The following WIPI2 variants were observed in gnomAD, a reference collection of about 807,000 sequenced individuals.
WIPI2 encodes WD repeat domain, phosphoinositide interacting 2, also known as WD repeat domain phosphoinositide-interacting protein 2.
WIPI2 carries 28 observed loss-of-function variants against 52.3 expected under a neutral mutation model. That is an observed-to-expected ratio of 0.54 (90% CI 0.40 to 0.73). The LOEUF (loss-of-function observed/expected upper bound fraction) is 0.73, where lower values mean the gene tolerates loss of function less well. Ranked by LOEUF, WIPI2 falls within the 30% of genes least tolerant of loss-of-function variation. The pLI is 0.00. For synonymous variants in WIPI2, 268 were observed against 245.0 expected, an observed-to-expected ratio of 1.09 and a Z score of -0.88; for missense variants, 506 against 602.9, an observed-to-expected ratio of 0.84 and a Z score of 1.68.
chr7:5,217,569 C>T (rs1040430255), intron 6 of WIPI2: 31 of 405,042 alleles, frequency 7.7e-5, no homozygotes, highest in Non-Finnish European at 1.2e-4. Flanking sequence ...AGTGCTGGGA[C>T]TACAGGCGGG....
chr7:5,218,397 A>T, intron 7 of WIPI2: 1 of 183,746 alleles, frequency 5.4e-6, no homozygotes, highest in South Asian at 1.1e-4. Context: ...CAGTCTGAAC[A>T]CATTTCAGTG....
At chr7:5,203,411 C>T (rs982140268) in intron 3 of WIPI2, among the ~76,000 whole-genome samples, 1 of 152,144 alleles carries the variant, frequency 6.6e-6, no homozygotes, top group African/African-American at 2.4e-5. Context: ...CCTTCCCACT[C>T]CAGAGCTTCA....
intron 6 of WIPI2, chr7:5,217,544 G>T (rs1371115994): frequency 7.7e-6 from 3 of 391,168 alleles, no homozygotes; most frequent in South Asian, 2.3e-5. Context: ...CCATCCTCCC[G>T]CCTCGGCCCC....
At position 5,193,133 on chromosome 7, in the gene WIPI2, A is replaced by G. The variant is rs368752507; in HGVS notation, c.90A>G (p.Ala30=). Residue 30 remains alanine (A), a synonymous_variant, in exon 2 of 13, where the codon GCA becomes GCG. Transcript: ENST00000288828. ...TTTTACCTAGAGAAGTGAAAGGGGCATCAAGAGCAGCTGGTCTTGGCCGTC... is the reference window on the plus strand; with the variant it reads ...TTTTACCTAGAGAAGTGAAAGGGGCGTCAAGAGCAGCTGGTCTTGGCCGTC... The part of the protein sequence containing the change: ...FNQDNTEVKG[A]SRAAGLGRRA... The G allele has an allele frequency of 1.9e-6, 3 of 1,614,104 alleles. No homozygotes were observed. The highest frequency in any genetic ancestry group is 2.5e-6 in the Non-Finnish European group (3 of 1,180,018).
intron 7 of WIPI2, 101 bp from the exon 8 acceptor site, chr7:5,222,501 C>G (rs1229104937): frequency 1.6e-6 from 2 of 1,256,940 alleles, no homozygotes; most frequent in Non-Finnish European, 2.3e-6. Flanking sequence ...GCAGAGCTGT[C>G]CTGGAGATAG....
At chr7:5,214,458 G>C (rs1782711116) in intron 3 of WIPI2, 77 bp from the exon 4 acceptor site, 1 of 1,613,550 alleles carries the variant, frequency 6.2e-7, no homozygotes, top group Non-Finnish European at 8.5e-7. Flanking sequence ...GCAGGTGTTT[G>C]TTTTTGAGCG....
chr7:5,226,410 G>A lies in WIPI2; in HGVS notation c.848+480G>A, dbSNP rs146499728. On this transcript the variant is annotated intron_variant, in intron 9 of 12. Transcript: ENST00000288828. ...CTTACTCTGTTGCCCAGGCTGCAGTGCAGTGGTACAGTCATTACTTATTGT... is the reference window on the plus strand; with the variant it reads ...CTTACTCTGTTGCCCAGGCTGCAGTACAGTGGTACAGTCATTACTTATTGT... The A allele has an allele frequency of 2.7e-3, 465 of 171,970 alleles. 2 individuals carry two copies. The highest frequency in any genetic ancestry group is 4.7e-3 in the Admixed American group (80 of 16,886). The allele number at this position is 171,970 out of a possible 1,614,324, so 10.7% of individuals were successfully genotyped here. A position where few individuals can be genotyped will look rare whatever the true frequency, so the allele number is the denominator to read the frequency against.
In WIPI2 at chr7:5,233,269, C is replaced by T. The variant is rs1381595861; in HGVS notation, c.*2322C>T. 3 of 152,364 alleles carry T rather than the reference C, an allele frequency of 2.0e-5. No homozygotes were observed. The highest frequency in any genetic ancestry group is 1.9e-4 in the East Asian group (1 of 5,184). 9.4% of individuals were successfully genotyped at this position (152,364 alleles called of 1,614,324 possible). A position where few individuals can be genotyped will look rare whatever the true frequency, so the allele number is the denominator to read the frequency against. On this transcript the variant is annotated 3_prime_UTR_variant, in exon 13 of 13. Coordinates refer to ENST00000288828, the MANE Select transcript of WIPI2 (RefSeq NM_015610.4). ...TGCCACCAGCTCCTCTTCCTCTGCTCGAACCTATGAGTCCCAGCCTCACTG... is the reference window on the plus strand; with the variant it reads ...TGCCACCAGCTCCTCTTCCTCTGCTTGAACCTATGAGTCCCAGCCTCACTG...
At position 5,222,514 on chromosome 7, in the gene WIPI2, G is replaced by T. The variant is rs571189469; in HGVS notation, c.670-88G>T. ...GGGCAGAGCTGTCCTGGAGATAGCC[G>T]TGTGGCGCATTTGCAGTCTGCTGTG... On this transcript the variant is annotated intron_variant, in intron 7 of 12. Coordinates refer to ENST00000288828, the MANE Select transcript of WIPI2 (RefSeq NM_015610.4). 6.2e-5 allele frequency: 84 copies of T among 1,346,954 alleles called. No individual in the cohort carries two copies. The African/African-American group carries it at 9.8e-4, about 16-fold the overall frequency. 83.4% of individuals were successfully genotyped at this position (1,346,954 alleles called of 1,614,324 possible). A position where few individuals can be genotyped will look rare whatever the true frequency, so the allele number is the denominator to read the frequency against.
In WIPI2 at chr7:5,219,222, G is replaced by A. The variant is rs543387564; in HGVS notation, c.669+1208G>A. Among the ~76,000 whole-genome samples, 70 of 152,266 alleles carry A rather than the reference G, an allele frequency of 4.6e-4. 1 individual carries two copies. In the South Asian group the frequency reaches 0.014, roughly 30 times the overall value. ...AGGGCTCAGAAAGGTTAAGCGGTGT[G>A]CCCGGGGCCGCCCAACTGGGCAGCA... On this transcript the variant is annotated intron_variant, in intron 7 of 12. Coordinates refer to ENST00000288828, the MANE Select transcript of WIPI2 (RefSeq NM_015610.4).
intron 3 of WIPI2, among the ~76,000 whole-genome samples, chr7:5,202,067 A>G (rs545213254): frequency 5.3e-4 from 81 of 152,048 alleles, no homozygotes; most frequent in Non-Finnish European, 1.0e-3. Flanking sequence ...ATGTTTCTTC[A>G]TGTCTCAGTA....
intron 2 of WIPI2, among the ~76,000 whole-genome samples, chr7:5,194,835 T>C (rs1781665665): frequency 6.6e-6 from 1 of 152,126 alleles, no homozygotes; most frequent in African/African-American, 2.4e-5. Flanking sequence ...TTAGCCAGTT[T>C]GGAAGCTAGC....
rs1783771651 is a variant in WIPI2 at position 5,232,468 on chromosome 7, CAG to C, written c.*1524_*1525del. The C allele has an allele frequency of 2.5e-6, 1 of 397,452 alleles. No individual in the cohort carries two copies. Among genetic ancestry groups the C allele is most frequent in the Non-Finnish European group, 4.4e-6 (1 of 225,838 alleles). The allele number at this position is 397,452 out of a possible 1,614,324, so 24.6% of individuals were successfully genotyped here. A position where few individuals can be genotyped will look rare whatever the true frequency, so the allele number is the denominator to read the frequency against. The stretch of plus-strand genomic sequence containing the variant: ...CGGCACACACAACATCTGCATTAGG[CAG>C]AGGTGCAAGTGGGCTGATTGAACTT... On this transcript the variant is annotated 3_prime_UTR_variant, in exon 13 of 13. Coordinates refer to ENST00000288828, the MANE Select transcript of WIPI2 (RefSeq NM_015610.4).
intron 7 of WIPI2, among the ~76,000 whole-genome samples, chr7:5,219,895 G>A (rs1783018486): frequency 6.7e-6 from 1 of 150,110 alleles, no homozygotes; most frequent in Admixed American, 6.6e-5. Context: ...GAGTGCAGTG[G>A]CACAATCTCT....
At position 5,207,593 on chromosome 7, in the gene WIPI2, T is replaced by G. The variant is rs186705143; in HGVS notation, c.212-6942T>G. 1.2e-3 allele frequency among the ~76,000 whole-genome samples: 180 copies of G among 152,254 alleles called. 2 individuals carry two copies. The highest frequency in any genetic ancestry group is 2.3e-3 in the Admixed American group (35 of 15,286). ...AACAAAGCTACCATGAACATTCTCG[T>G]ACAAGTCTTTTAATGGACAGATATT... On this transcript the variant is annotated intron_variant, in intron 3 of 12. Coordinates refer to ENST00000288828, the MANE Select transcript of WIPI2 (RefSeq NM_015610.4).
chr7:5,231,224 A>C lies in WIPI2; in HGVS notation c.*277A>C, dbSNP rs902198967. 2 of 333,968 alleles carry C rather than the reference A, an allele frequency of 6.0e-6. No homozygotes were observed. Among genetic ancestry groups the C allele is most frequent in the Non-Finnish European group, 1.1e-5 (2 of 184,070 alleles). The allele number at this position is 333,968 out of a possible 1,614,324, so 20.7% of individuals were successfully genotyped here. The stretch of plus-strand genomic sequence containing the variant: ...TTAACTGTTTGGTGAAGCCCGCAAA[A>C]CCTCCTCGCTTTGCATGCATGAACG... On this transcript the variant is annotated 3_prime_UTR_variant, in exon 13 of 13. Transcript: ENST00000288828.
Position 5,231,241 on chromosome 7 carries a change from G to C in WIPI2, c.*294G>C. ...CCCGCAAAACCTCCTCGCTTTGCAT[G>C]CATGAACGTGCCAAGCCAGCATAGG... On this transcript the variant is annotated 3_prime_UTR_variant, in exon 13 of 13. Coordinates refer to ENST00000288828, the MANE Select transcript of WIPI2 (RefSeq NM_015610.4). 1 of 297,256 alleles carries C rather than the reference G, an allele frequency of 3.4e-6. No homozygotes were observed. The allele number at this position is 297,256 out of a possible 1,614,324, so 18.4% of individuals were successfully genotyped here. A position where few individuals can be genotyped will look rare whatever the true frequency, so the allele number is the denominator to read the frequency against.
chr7:5,204,159 T>C (rs1180047667), intron 3 of WIPI2, among the ~76,000 whole-genome samples: 1 of 152,204 alleles, frequency 6.6e-6, no homozygotes, highest in Non-Finnish European at 1.5e-5. Context: ...GTTCCATGTA[T>C]ATTTATATGT....
At chr7:5,223,706 G>A (rs572354764) in intron 8 of WIPI2, among the ~76,000 whole-genome samples, 2 of 152,254 alleles carry the variant, frequency 1.3e-5, no homozygotes, top group Non-Finnish European at 2.9e-5. Flanking sequence ...TATTCCTCCT[G>A]CCTGCTGGGC....
Sources: gnomAD v4.1 joint callset for allele counts (sites outside exome capture counted in the v4.1 genomes callset) on GRCh38, gnomAD v4.1.1 for gene constraint, MANE v1.5 for transcripts, NCBI Gene and HGNC (gene_info 2026-07-23, HGNC 2026-07-21) for gene names.